Variants in FAM227A observed in about 807,000 individuals in gnomAD.
The protein encoded by FAM227A is family with sequence similarity 227 member A, also known as protein FAM227A.
FAM227A carries 80 observed loss-of-function variants against 74.7 expected under a neutral mutation model. The ratio of observed to expected loss-of-function variants is 1.07; its 90% confidence interval spans 0.89 to 1.29. The LOEUF (loss-of-function observed/expected upper bound fraction) is 1.29. FAM227A is among the 50% of genes most tolerant of loss of function. The pLI, the probability that FAM227A is intolerant of heterozygous loss-of-function variation, is 0.00. For synonymous variants in FAM227A, 237 were observed against 241.8 expected (o/e 0.98, Z 0.19); for missense variants, 654 against 683.4 (o/e 0.96, Z 0.48).
intron 11 of FAM227A, among the ~76,000 whole-genome samples, chr22:38,615,490 G>A (rs1031707886): frequency 6.6e-6 from 1 of 152,172 alleles, no homozygotes; most frequent in Admixed American, 6.6e-5. Context: ...GAGGGACAAG[G>A]AGGAACCAGA....
At chr22:38,606,142 T>C (rs974599180) in intron 12 of FAM227A, among the ~76,000 whole-genome samples, 3 of 152,112 alleles carry the variant, frequency 2.0e-5, no homozygotes, top group Non-Finnish European at 4.4e-5. Context: ...CCAGAGCCCA[T>C]TGGAATTATC....
chr22:38,581,425 A>T lies in FAM227A; in HGVS notation c.*4700T>A, dbSNP rs1420226460. On this transcript the variant is annotated 3_prime_UTR_variant, in exon 17 of 17. Transcript: ENST00000535113. ...CTTTATTTCTAGGTCATTTCAGTGG[A>T]CAGAGTTTTAGGAAATATATACACA... 1 of 152,108 alleles carries T rather than the reference A, an allele frequency of 6.6e-6. No homozygotes were observed. The highest frequency in any genetic ancestry group is 2.4e-5 in the African/African-American group (1 of 41,408). The allele number at this position is 152,108 out of a possible 1,614,324, so 9.4% of individuals were successfully genotyped here.
chr22:38,638,728 C>T lies in FAM227A; in HGVS notation c.372+18G>A, dbSNP rs2092052973. On this transcript the variant is annotated intron_variant, in intron 5 of 16. Coordinates refer to ENST00000535113, the MANE Select transcript of FAM227A (RefSeq NM_001013647.2). ...AGCAGAAGCCGGTCAGAAACAGACA[C>T]AGCAGTAGATCCCTTACCCTTTTTA... is the stretch of plus-strand genomic sequence containing the variant. The T allele has an allele frequency of 1.3e-6, 2 of 1,528,458 alleles. No homozygotes were observed. Among genetic ancestry groups the T allele is most frequent in the African/African-American group, 1.4e-5 (1 of 72,476 alleles). 94.7% of individuals were successfully genotyped at this position (1,528,458 alleles called of 1,614,324 possible).
intron 13 of FAM227A, among the ~76,000 whole-genome samples, chr22:38,600,823 G>A (rs1241964511): frequency 6.6e-6 from 1 of 151,840 alleles, no homozygotes; most frequent in African/African-American, 2.4e-5. Flanking sequence ...TTGGTGGCAT[G>A]CGCCTGTAGT....
chr22:38,613,157 AT>A (rs2091467946), intron 11 of FAM227A, among the ~76,000 whole-genome samples: 1 of 90,096 alleles, frequency 1.1e-5, no homozygotes, highest in African/African-American at 4.7e-5. Context: ...TATATATTAT[AT>A]ATCTATGCTG....
chr22:38,645,501 G>T (rs1314370755), intron 3 of FAM227A, 62 bp downstream of exon 3: 3 of 1,119,466 alleles, frequency 2.7e-6, no homozygotes, highest in African/African-American at 3.1e-5. Flanking sequence ...GCAACACCTT[G>T]ATGATCCCCG....
At chr22:38,605,173 A>G in intron 13 of FAM227A, 81 bp downstream of exon 13, 1 of 795,402 alleles carries the variant, frequency 1.3e-6, no homozygotes, top group African/African-American at 1.7e-5. Flanking sequence ...TATTCATTAA[A>G]TGTTAATTAT....
In FAM227A at chr22:38,654,557, TG is replaced by T. The variant is rs576306443; in HGVS notation, c.-95+1562del. Among the ~76,000 whole-genome samples the T allele has an allele frequency of 3.4e-4, 51 of 151,728 alleles. No homozygotes were observed. In the East Asian group the frequency reaches 9.7e-3, roughly 29 times the overall value. On this transcript the variant is annotated intron_variant, in intron 1 of 16. Coordinates refer to ENST00000535113, the MANE Select transcript of FAM227A (RefSeq NM_001013647.2). ...AAGGCTGAATGCAGTGGCTCATACC[TG>T]TAATCCCAATACTTTGGGAGGTGGG...
rs2091866539 is a variant in FAM227A, at chr22:38,629,086, T to A, written c.520-151A>T. 1.2e-5 allele frequency: 7 copies of A among 575,246 alleles called. No homozygotes were observed. The South Asian group carries it at 1.3e-4, about 11-fold the overall frequency. 35.6% of individuals were successfully genotyped at this position (575,246 alleles called of 1,614,324 possible). On this transcript the variant is annotated intron_variant, in intron 6 of 16. Transcript: ENST00000535113. Reference sequence around the variant, plus strand: ...TTTACATACTCTCATTTAACCCCTATAATAGTCTTATGAGGAATACATCAT... The same window carrying A: ...TTTACATACTCTCATTTAACCCCTAAAATAGTCTTATGAGGAATACATCAT...
intron 10 of FAM227A, among the ~76,000 whole-genome samples, chr22:38,620,518 C>T (rs1269009040): frequency 6.6e-6 from 1 of 152,070 alleles, no homozygotes; most frequent in Non-Finnish European, 1.5e-5. Context: ...ATAATGTATG[C>T]ACAGGGCCGG....
intron 10 of FAM227A, 33 bp from the exon 11 acceptor site, chr22:38,620,324 CTT>C (rs747540616): frequency 6.1e-6 from 9 of 1,478,098 alleles, no homozygotes; most frequent in African/African-American, 2.8e-5. Flanking sequence ...ATTAATTCCT[CTT>C]GTCATGGGAC....
chr22:38,594,493 C>G (rs1344463646), intron 15 of FAM227A, among the ~76,000 whole-genome samples: 2 of 152,132 alleles, frequency 1.3e-5, no homozygotes, highest in Non-Finnish European at 2.9e-5. Flanking sequence ...CCTTGTAAAA[C>G]AAAAATAGAG....
In FAM227A at chr22:38,628,220, A is replaced by G. The variant is rs1363411306; in HGVS notation, c.726+18T>C. The stretch of plus-strand genomic sequence containing the variant: ...AAATCTAATGTGACTTTTTTTCTAG[A>G]TAGTGGCTGATGCTCACTTTTAAGA... On this transcript the variant is annotated intron_variant, in intron 8 of 16. Coordinates refer to ENST00000535113, the MANE Select transcript of FAM227A (RefSeq NM_001013647.2). 7.0e-7 allele frequency: 1 copy of G among 1,430,500 alleles called. No individual in the cohort carries two copies. Among genetic ancestry groups the G allele is most frequent in the South Asian group, 1.2e-5 (1 of 80,620 alleles). The allele number at this position is 1,430,500 out of a possible 1,614,324, so 88.6% of individuals were successfully genotyped here.
chr22:38,600,150 C>T (rs1248834831), intron 13 of FAM227A, among the ~76,000 whole-genome samples: 4 of 151,850 alleles, frequency 2.6e-5, no homozygotes, highest in South Asian at 2.1e-4. Flanking sequence ...CTTAAATGTT[C>T]AAGAAGACAT....
chr22:38,621,405 T>C (rs1339534599), intron 10 of FAM227A, among the ~76,000 whole-genome samples: 2 of 143,562 alleles, frequency 1.4e-5, no homozygotes, highest in Non-Finnish European at 3.0e-5. Context: ...AAAAACTCCC[T>C]GAGTGTGCAT....
intron 15 of FAM227A, among the ~76,000 whole-genome samples, chr22:38,593,976 G>A (rs182846638): frequency 2.2e-4 from 34 of 152,318 alleles, no homozygotes; most frequent in African/African-American, 7.7e-4. Context: ...ACAGGTGTGA[G>A]CTACTGTGAC....
At chr22:38,648,761 T>G (rs2092280889) in intron 2 of FAM227A, among the ~76,000 whole-genome samples, 1 of 150,278 alleles carries the variant, frequency 6.7e-6, no homozygotes, top group Non-Finnish European at 1.5e-5. Context: ...CCACCTGAGG[T>G]CAGGAGGTCG....
rs886180419 is a variant in FAM227A at position 38,650,264 on chromosome 22, T to C, written c.-94-2A>G. 1.6e-6 allele frequency: 2 copies of C among 1,273,680 alleles called. No individual in the cohort carries two copies. The highest frequency in any genetic ancestry group is 2.2e-6 in the Non-Finnish European group (2 of 915,706). 78.9% of individuals were successfully genotyped at this position (1,273,680 alleles called of 1,614,324 possible). ...CTTGTCGTTTGTTTAATCAGCCTCCTGGAAATCATAAACAGCATAGAGCCA... is the reference window on the plus strand; with the variant it reads ...CTTGTCGTTTGTTTAATCAGCCTCCCGGAAATCATAAACAGCATAGAGCCA... On this transcript the variant is annotated splice_acceptor_variant, in intron 1 of 16. Transcript: ENST00000535113. LOFTEE classifies it low-confidence loss of function (5UTR_SPLICE).
At chr22:38,608,730 T>C (rs956062442) in intron 11 of FAM227A, among the ~76,000 whole-genome samples, 2 of 149,418 alleles carry the variant, frequency 1.3e-5, no homozygotes, top group Non-Finnish European at 3.0e-5. Context: ...CGTGCCAGGA[T>C]AGATTCTGAC....
Sources: allele counts gnomAD v4.1 joint callset (sites outside exome capture counted in the v4.1 genomes callset), GRCh38; gene constraint gnomAD v4.1.1; transcripts MANE v1.5; gene names NCBI Gene and HGNC (gene_info 2026-07-23, HGNC 2026-07-21).